POU6F2: variants seen among roughly 807,000 people sequenced by gnomAD.
POU6F2 encodes the protein POU domain, class 6, transcription factor 2.
A neutral mutation model predicts 71.3 loss-of-function variants in POU6F2; 31 were observed. The ratio of observed to expected loss-of-function variants is 0.43; its 90% CI spans 0.33 to 0.59. The LOEUF (loss-of-function observed/expected upper bound fraction) is 0.59. Ranked by LOEUF, POU6F2 falls within the 20% of genes least tolerant of loss-of-function variation. The pLI, the probability that POU6F2 is intolerant of heterozygous loss-of-function variation, is 0.04. For synonymous variants in POU6F2, 347 were observed against 355.7 expected, an observed-to-expected ratio of 0.98 and a Z score of 0.27; for missense variants, 783 against 856.8, an observed-to-expected ratio of 0.91 and a Z score of 1.07.
At chr7:39,019,630 T>C (rs1789634392) in intron 1 of POU6F2, among the ~76,000 whole-genome samples, 1 of 151,118 alleles carries the variant, frequency 6.6e-6, no homozygotes, top group African/African-American at 2.4e-5. Context: ...TGAAATCTTT[T>C]GCATTTTCTT....
At chr7:39,426,657 C>T (rs924393035) in intron 6 of POU6F2, among the ~76,000 whole-genome samples, 17 of 152,114 alleles carry the variant, frequency 1.1e-4, no homozygotes, top group Non-Finnish European at 1.5e-5. Context: ...AAGCCATAGG[C>T]TCTCACCTTT....
intron 5 of POU6F2, among the ~76,000 whole-genome samples, chr7:39,361,570 G>T (rs1418712011): frequency 6.6e-6 from 1 of 152,190 alleles, no homozygotes; most frequent in African/African-American, 2.4e-5. Flanking sequence ...TAGCCTTCAG[G>T]CTTGCTGCTG....
chr7:39,035,758 C>T (rs1368741860), intron 1 of POU6F2, among the ~76,000 whole-genome samples: 1 of 151,558 alleles, frequency 6.6e-6, no homozygotes. Flanking sequence ...TAACATTGCT[C>T]CCTAGCTTTT....
chr7:39,406,769 T>G (rs1452525132), intron 6 of POU6F2, 29 bp downstream of exon 6: 18 of 1,611,030 alleles, frequency 1.1e-5, no homozygotes, highest in Non-Finnish European at 1.5e-5. Context: ...CAAGAGTGCA[T>G]TTTTATGGCA....
chr7:39,172,041 A>G (rs961508868), intron 2 of POU6F2, among the ~76,000 whole-genome samples: 3 of 152,196 alleles, frequency 2.0e-5, no homozygotes, highest in African/African-American at 7.2e-5. Flanking sequence ...CAAAAGGAAC[A>G]CTTGCTCCTT....
chr7:39,006,696 T>A, intron 1 of POU6F2: 1 of 743,796 alleles, frequency 1.3e-6, no homozygotes, highest in Non-Finnish European at 2.4e-6. Context: ...ATGTGTGTCA[T>A]TTCAGCTGAG....
intron 6 of POU6F2, among the ~76,000 whole-genome samples, chr7:39,411,568 G>A (rs1196371305): frequency 6.6e-6 from 1 of 152,138 alleles, no homozygotes; most frequent in Non-Finnish European, 1.5e-5. Flanking sequence ...TTATTTCAAT[G>A]TATTAAAAAG....
At position 39,093,659 on chromosome 7, in the gene POU6F2, G is replaced by GA. The variant is rs570581591; in HGVS notation, c.277+7635dup. ...TTCTTTAATTTCATCCTATTAATGA[G>GA]AAAAAAAGCATAATTATGACAGAAG... On this transcript the variant is annotated intron_variant, in intron 2 of 9. Transcript: ENST00000518318. Among the ~76,000 whole-genome samples, 163 of 151,866 alleles carry GA rather than the reference G, an allele frequency of 1.1e-3. 1 individual carries two copies. The highest frequency in any genetic ancestry group is 3.7e-3 in the African/African-American group (154 of 41,454).
intron 4 of POU6F2, among the ~76,000 whole-genome samples, chr7:39,297,327 C>G (rs145782641): frequency 1.3e-3 from 194 of 152,072 alleles, no homozygotes; most frequent in African/African-American, 4.2e-3. Context: ...ATACCATCAG[C>G]ATCACGGGTT....
At chr7:39,295,962 A>T (rs1367081279) in intron 4 of POU6F2, among the ~76,000 whole-genome samples, 2 of 152,196 alleles carry the variant, frequency 1.3e-5, no homozygotes, top group Non-Finnish European at 2.9e-5. Flanking sequence ...GCAGAAATTA[A>T]TGAGGAGCTA....
At chr7:39,191,466 T>C (rs1793662076) in intron 2 of POU6F2, among the ~76,000 whole-genome samples, 1 of 149,914 alleles carries the variant, frequency 6.7e-6, no homozygotes, top group Non-Finnish European at 1.5e-5. Context: ...TTTAAGAATT[T>C]GGACTGAAAA....
At chr7:39,047,115 T>C (rs1411872096) in intron 1 of POU6F2, among the ~76,000 whole-genome samples, 2 of 151,946 alleles carry the variant, frequency 1.3e-5, no homozygotes, top group East Asian at 3.9e-4. Context: ...TTATAGTAAG[T>C]TTTGAAACCA....
At chr7:39,069,058 A>G (rs149346106) in intron 1 of POU6F2, among the ~76,000 whole-genome samples, 22 of 152,262 alleles carry the variant, frequency 1.4e-4, no homozygotes, top group African/African-American at 3.6e-4. Context: ...TGTACAGAAT[A>G]TAGAACCTCT....
chr7:39,117,312 A>G (rs1791950836), intron 2 of POU6F2, among the ~76,000 whole-genome samples: 1 of 152,112 alleles, frequency 6.6e-6, no homozygotes, highest in Admixed American at 6.5e-5. Flanking sequence ...TATACTTCCT[A>G]GGGAAACCAA....
chr7:39,183,676 C>A (rs903733236), intron 2 of POU6F2, among the ~76,000 whole-genome samples: 9 of 152,186 alleles, frequency 5.9e-5, no homozygotes, highest in Non-Finnish European at 1.3e-4. Context: ...TTGTCTTCCA[C>A]AAAACTGGTC....
At chr7:39,096,753 A>G (rs751596931) in intron 2 of POU6F2, among the ~76,000 whole-genome samples, 1 of 152,256 alleles carries the variant, frequency 6.6e-6, no homozygotes, top group Non-Finnish European at 1.5e-5. Flanking sequence ...CCTAGAAAAA[A>G]AAAATGACTT....
At position 39,460,281 on chromosome 7, in the gene POU6F2, T is replaced by C. The variant is rs1325851344; in HGVS notation, c.1490-266T>C. On this transcript the variant is annotated intron_variant, in intron 8 of 9. Transcript: ENST00000518318. This position sits in a 1 kb window ranked among gnomAD's most constrained non-coding sequence, Gnocchi z 4.4. ...GTTATTTGTTAAGCCCTAAGGAACA[T>C]GCTCTGGCATTGGGGAAGTGGCAGT... Among the ~76,000 whole-genome samples the C allele has an allele frequency of 6.6e-6, 1 of 152,196 alleles. No homozygotes were observed. Among genetic ancestry groups the C allele is most frequent in the African/African-American group, 2.4e-5 (1 of 41,442 alleles).
chr7:39,448,253 A>G (rs185773813), intron 7 of POU6F2, among the ~76,000 whole-genome samples: 2 of 152,334 alleles, frequency 1.3e-5, no homozygotes, highest in East Asian at 1.9e-4. Flanking sequence ...ACAGAAGGCT[A>G]TTCTATCTCA....
chr7:39,367,954 G>A (rs1247338486), intron 5 of POU6F2, among the ~76,000 whole-genome samples: 1 of 152,140 alleles, frequency 6.6e-6, no homozygotes, highest in East Asian at 1.9e-4. Flanking sequence ...TAAATGTTGT[G>A]TGTATTCTGA....
Sources: allele counts gnomAD v4.1 joint callset (sites outside exome capture counted in the v4.1 genomes callset), GRCh38; gene constraint gnomAD v4.1.1; non-coding constraint Gnocchi (gnomAD v3.1); transcripts MANE v1.5; gene names NCBI Gene and HGNC (gene_info 2026-07-23, HGNC 2026-07-21).